Variants in ACTN1 observed in about 807,000 individuals in gnomAD.
ACTN1 encodes actinin alpha 1.
A neutral mutation model predicts 119.6 loss-of-function variants in ACTN1; 30 were observed. The observed-to-expected ratio is 0.25, with a 90% CI of 0.19 to 0.34. ACTN1 has a LOEUF of 0.34. ACTN1 is among the 10% of genes least tolerant of loss of function. ACTN1 has a pLI of 1.00. For synonymous variants in ACTN1, 429 were observed against 472.6 expected, an observed-to-expected ratio of 0.91 and a Z score of 1.20; for missense variants, 764 against 1,223.4, an observed-to-expected ratio of 0.62 and a Z score of 5.60.
At chr14:68,897,854 T>G (rs1443862757) in intron 8 of ACTN1, among the ~76,000 whole-genome samples, 1 of 152,206 alleles carries the variant, frequency 6.6e-6, no homozygotes, top group African/African-American at 2.4e-5. Context: ...ACTGGCCCCT[T>G]TCCTCAGGCA....
chr14:68,965,028 G>A (rs2036661389), intron 1 of ACTN1, among the ~76,000 whole-genome samples: 1 of 152,202 alleles, frequency 6.6e-6, no homozygotes, highest in Admixed American at 6.5e-5. Context: ...TCTGCCTTCA[G>A]AATACAGAGG....
intron 1 of ACTN1, among the ~76,000 whole-genome samples, chr14:68,927,157 T>C (rs1277709375): frequency 1.4e-5 from 2 of 144,434 alleles, no homozygotes; most frequent in African/African-American, 2.9e-5. Context: ...TCAGGGTAGA[T>C]AGGGGACATA....
chr14:68,967,143 C>T (rs975008938), intron 1 of ACTN1, among the ~76,000 whole-genome samples: 1 of 152,310 alleles, frequency 6.6e-6, no homozygotes, highest in African/African-American at 2.4e-5. Flanking sequence ...TTCCCTGGCC[C>T]CTGTCCTCCT....
rs2031324553 is a variant in ACTN1 at position 68,879,840 on chromosome 14, G to A, written c.2280+122C>T. The A allele has an allele frequency of 2.2e-6, 3 of 1,395,044 alleles. No individual in the cohort carries two copies. Among genetic ancestry groups the A allele is most frequent in the Non-Finnish European group, 2.9e-6 (3 of 1,032,040 alleles). 86.4% of individuals were successfully genotyped at this position (1,395,044 alleles called of 1,614,324 possible). ...TGCATTGAGTCAGGGCAGGCTGACGGCAGTTTCCCCTTTCTCTCCCTCCTC... is the reference window on the plus strand; with the variant it reads ...TGCATTGAGTCAGGGCAGGCTGACGACAGTTTCCCCTTTCTCTCCCTCCTC... On this transcript the variant is annotated intron_variant, in intron 18 of 21. Transcript: ENST00000394419. The surrounding 1 kb of genome is among the most constrained non-coding windows in gnomAD (Gnocchi z 4.9).
intron 9 of ACTN1, 61 bp downstream of exon 9, chr14:68,893,594 T>C: frequency 6.7e-7 from 1 of 1,487,198 alleles, no homozygotes; most frequent in South Asian, 1.2e-5. Context: ...GACTTGGAGG[T>C]ACACGTTCTA....
chr14:68,909,300 T>C lies in ACTN1; in HGVS notation c.594+18A>G. ...CCTGCCAGGGACCCAAAGCGGGTGGTCAGGTGGGCACACATACCTTCCGCA... is the reference window on the plus strand; with the variant it reads ...CCTGCCAGGGACCCAAAGCGGGTGGCCAGGTGGGCACACATACCTTCCGCA... On this transcript the variant is annotated intron_variant, in intron 6 of 21. Transcript: ENST00000394419. This position sits in a 1 kb window ranked among gnomAD's most constrained non-coding sequence, Gnocchi z 4.1. 6.2e-7 allele frequency: 1 copy of C among 1,613,106 alleles called. No homozygotes were observed. Among genetic ancestry groups the C allele is most frequent in the Non-Finnish European group, 8.5e-7 (1 of 1,179,658 alleles).
At chr14:68,881,969 T>C (rs2031572535) in intron 16 of ACTN1, among the ~76,000 whole-genome samples, 1 of 110,156 alleles carries the variant, frequency 9.1e-6, no homozygotes, top group Non-Finnish European at 1.8e-5. Context: ...AGAGTCTTGC[T>C]CTGTTGCCCA....
intron 1 of ACTN1, among the ~76,000 whole-genome samples, chr14:68,935,170 A>T (rs1206117467): frequency 6.6e-6 from 1 of 151,640 alleles, no homozygotes; most frequent in Non-Finnish European, 1.5e-5. Flanking sequence ...GATTACAGGC[A>T]TGTGCCACCA....
Position 68,935,334 on chromosome 14 carries a change from T to C in ACTN1, c.106-9662A>G, listed in dbSNP as rs1282131926. 2.7e-5 allele frequency among the ~76,000 whole-genome samples: 4 copies of C among 150,266 alleles called. No homozygotes were observed. In the East Asian group the frequency reaches 7.9e-4, roughly 30 times the overall value. On this transcript the variant is annotated intron_variant, in intron 1 of 21. Coordinates refer to ENST00000394419, the MANE Select transcript of ACTN1 (RefSeq NM_001130004.2). The stretch of plus-strand genomic sequence containing the variant: ...CTACTGTGCCTGGCAATGTGGTTGG[T>C]TTTTATGATGATCTGCTCCCTCTCC...
intron 6 of ACTN1, among the ~76,000 whole-genome samples, chr14:68,905,713 C>T (rs952313231): frequency 3.3e-5 from 5 of 152,112 alleles, no homozygotes; most frequent in African/African-American, 7.2e-5. Flanking sequence ...GGACACAGGC[C>T]GGGTGCAGTG....
chr14:68,969,062 TCA>T (rs1330986382), intron 1 of ACTN1, among the ~76,000 whole-genome samples: 4 of 152,112 alleles, frequency 2.6e-5, no homozygotes. Flanking sequence ...CCAAGCAGAC[TCA>T]GTGAGGGGGT....
intron 8 of ACTN1, among the ~76,000 whole-genome samples, chr14:68,899,814 G>A (rs779628473): frequency 1.3e-5 from 2 of 152,194 alleles, no homozygotes; most frequent in Non-Finnish European, 2.9e-5. Context: ...TGGGAAGAGG[G>A]GAAAAGACCA....
rs201503619 is a variant in ACTN1, at chr14:68,906,071, G to GGT, written c.595-1336_595-1335insAC. ...AGCAGAATGGTAGCAGCCAGAGGCC[G>GGT]GGGGGGCAGGAAAGAACGGGGAACT... On this transcript the variant is annotated intron_variant, in intron 6 of 21. Coordinates refer to ENST00000394419, the MANE Select transcript of ACTN1 (RefSeq NM_001130004.2). 7.5e-4 allele frequency among the ~76,000 whole-genome samples: 106 copies of GGT among 141,916 alleles called. 2 individuals carry two copies. In the East Asian group the frequency reaches 0.018, roughly 24 times the overall value. 93.1% of individuals were successfully genotyped at this position (141,916 alleles called of 152,430 possible). A position where few individuals can be genotyped will look rare whatever the true frequency, so the allele number is the denominator to read the frequency against.
intron 10 of ACTN1, 71 bp from the exon 11 acceptor site, chr14:68,890,357 C>T: frequency 6.4e-7 from 1 of 1,554,038 alleles, no homozygotes; most frequent in South Asian, 1.2e-5. Flanking sequence ...GCCCCCTAGA[C>T]CCCTGAAGGT....
At position 68,885,531 on chromosome 14, in the gene ACTN1, G is replaced by A. The variant is rs758626174; in HGVS notation, c.1279C>T (p.Leu427Phe). ...TTGAGCAGGGCCTTGATCTCCGAGAGGGTGGCGGTCTCATAGTCCTTCTGT... is the reference window on the plus strand; with the variant it reads ...TTGAGCAGGGCCTTGATCTCCGAGAAGGTGGCGGTCTCATAGTCCTTCTGT... Reference protein sequence around the residue: ...LRQKDYETATLSEIKALLKKH... With the variant: ...LRQKDYETATFSEIKALLKKH... The change falls in exon 12 of 22, where the codon CTC (leucine) becomes TTC (phenylalanine). Residue 427 changes from leucine to phenylalanine, a missense_variant. Physicochemically the swap from Leu to Phe is conservative, Grantham distance 22. This residue lies in a region of ACTN1 where 544 missense variants were observed against 912.0 expected (regional missense o/e 0.60). Transcript: ENST00000394419. This position sits in a 1 kb window ranked among gnomAD's most constrained non-coding sequence, Gnocchi z 5.6. The A allele has an allele frequency of 6.2e-7, 1 of 1,614,074 alleles. No homozygotes were observed. The highest frequency in any genetic ancestry group is 8.5e-7 in the Non-Finnish European group (1 of 1,180,014).
chr14:68,890,106 C>T, intron 11 of ACTN1, 33 bp downstream of exon 11: 1 of 1,607,422 alleles, frequency 6.2e-7, no homozygotes, highest in Non-Finnish European at 8.5e-7. Flanking sequence ...AAGTGAAGCC[C>T]TGGGGGGAGG....
rs758735681 is a variant in ACTN1, at chr14:68,885,630, C to G, written c.1235-55G>C. 1.5e-4 allele frequency: 232 copies of G among 1,580,826 alleles called. No homozygotes were observed. Among genetic ancestry groups the G allele is most frequent in the Middle Eastern group, 1.4e-3 (8 of 5,856 alleles). On this transcript the variant is annotated intron_variant, in intron 11 of 21. Coordinates refer to ENST00000394419, the MANE Select transcript of ACTN1 (RefSeq NM_001130004.2). This position sits in a 1 kb window ranked among gnomAD's most constrained non-coding sequence, Gnocchi z 5.6. ...CTGGAGTGAGAAGCATCTCCTTGGT[C>G]CCAACCGCCCACCCCTCAGGGCCCC...
At chr14:68,928,428 T>C (rs1247998972) in intron 1 of ACTN1, among the ~76,000 whole-genome samples, 2 of 151,988 alleles carry the variant, frequency 1.3e-5, no homozygotes, top group East Asian at 1.9e-4. Context: ...ACTGGAAAGT[T>C]TCCCCAACAA....
At chr14:68,922,254 C>G (rs2034689625) in intron 2 of ACTN1, among the ~76,000 whole-genome samples, 1 of 152,200 alleles carries the variant, frequency 6.6e-6, no homozygotes, top group Non-Finnish European at 1.5e-5. Context: ...CTGGGCCAGG[C>G]CCACCCTGTC....
Sources: allele counts gnomAD v4.1 joint callset (sites outside exome capture counted in the v4.1 genomes callset), GRCh38; gene constraint gnomAD v4.1.1; regional missense constraint gnomAD v4.1.1; non-coding constraint Gnocchi (gnomAD v3.1); transcripts MANE v1.5; gene names NCBI Gene and HGNC (gene_info 2026-07-23, HGNC 2026-07-21).